Variants in KIAA0825 observed in about 807,000 individuals in gnomAD.
KIAA0825 encodes KIAA0825, also known as uncharacterized protein KIAA0825.
KIAA0825 carries 119 observed loss-of-function variants against 147.6 expected under a neutral mutation model. That is an observed-to-expected ratio of 0.81 (90% confidence interval 0.69 to 0.94). The LOEUF (loss-of-function observed/expected upper bound fraction) is 0.94. KIAA0825 is among the 40% of genes least tolerant of loss of function. The pLI is 0.00. For missense variants in KIAA0825, 1,381 were observed against 1,472.7 expected (o/e 0.94, Z 1.02); for synonymous variants, 470 against 518.1 (o/e 0.91, Z 1.26).
intron 20 of KIAA0825, among the ~76,000 whole-genome samples, chr5:94,160,660 G>C (rs1194867522): frequency 6.8e-6 from 1 of 147,748 alleles, no homozygotes; most frequent in Non-Finnish European, 1.5e-5. Flanking sequence ...AATATATACT[G>C]TATGTATGTA....
Position 94,152,905 on chromosome 5 carries a change from G to GATATATATT in KIAA0825, c.*1101_*1102insAATATATAT, listed in dbSNP as rs1766701320. The GATATATATT allele has an allele frequency of 1.9e-5, 1 of 51,974 alleles. No homozygotes were observed. Among genetic ancestry groups the GATATATATT allele is most frequent in the African/African-American group, 7.2e-5 (1 of 13,936 alleles). The allele number at this position is 51,974 out of a possible 1,614,324, so 3.2% of individuals were successfully genotyped here. On this transcript the variant is annotated 3_prime_UTR_variant, in exon 21 of 21. Transcript: ENST00000682413. The stretch of plus-strand genomic sequence containing the variant: ...ATATATATATATATATATATATATG[G>GATATATATT]TTTCTCCCAGACGTTCTTAGACTGC...
chr5:94,475,810 AAAAAG>A (rs151020241), intron 7 of KIAA0825, among the ~76,000 whole-genome samples: 300 of 152,226 alleles, frequency 2.0e-3, no homozygotes, highest in Middle Eastern at 0.01. Flanking sequence ...CTATGTCTCA[AAAAAG>A]AAAAGAAAAG....
intron 20 of KIAA0825, among the ~76,000 whole-genome samples, chr5:94,335,520 CTCTT>C (rs1215372707): frequency 6.6e-6 from 1 of 152,042 alleles, no homozygotes; most frequent in East Asian, 1.9e-4. Flanking sequence ...TAACTGATCT[CTCTT>C]TAATTCTGTT....
chr5:94,505,961 T>A (rs150600475), intron 5 of KIAA0825, among the ~76,000 whole-genome samples: 151 of 152,312 alleles, frequency 9.9e-4, no homozygotes, highest in African/African-American at 3.4e-3. Flanking sequence ...GTTTGAAAAA[T>A]ACGTTTAGCT....
At chr5:94,517,127 TAA>T (rs1767393747) in intron 5 of KIAA0825, among the ~76,000 whole-genome samples, 1 of 152,044 alleles carries the variant, frequency 6.6e-6, no homozygotes, top group Non-Finnish European at 1.5e-5. Flanking sequence ...GTGAAAGTGG[TAA>T]ATTATTTTTA....
At chr5:94,592,841 C>A (rs1188221604) in intron 1 of KIAA0825, 2 of 562,838 alleles carry the variant, frequency 3.6e-6, no homozygotes, top group Non-Finnish European at 3.4e-6. Context: ...TGTCCATTCT[C>A]CTGGACTGTG....
rs2149892304 is a variant in KIAA0825 at position 94,151,399 on chromosome 5, G to A, written c.*2608C>T. On this transcript the variant is annotated 3_prime_UTR_variant, in exon 21 of 21. Transcript: ENST00000682413. ...GCCACTGCAGTCCGCAGTCCGGCCT[G>A]GGCGACAGAGCGAGACTCCGTCTCA... 7.0e-6 allele frequency among the ~76,000 whole-genome samples: 1 copy of A among 141,904 alleles called. No homozygotes were observed. The highest frequency in any genetic ancestry group is 1.5e-5 in the Non-Finnish European group (1 of 66,038). The allele number at this position is 141,904 out of a possible 152,430, so 93.1% of individuals were successfully genotyped here.
At chr5:94,569,605 C>T in intron 2 of KIAA0825, 2 of 390,160 alleles carry the variant, frequency 5.1e-6, no homozygotes, top group Non-Finnish European at 9.5e-6. Context: ...TTGATCTCCC[C>T]ACTCCATCTA....
At chr5:94,252,422 T>C (rs538211248) in intron 20 of KIAA0825, among the ~76,000 whole-genome samples, 2 of 152,076 alleles carry the variant, frequency 1.3e-5, no homozygotes, top group East Asian at 3.9e-4. Flanking sequence ...TTCTCATAAA[T>C]ATATATACAT....
chr5:94,290,603 T>A (rs1422424635), intron 20 of KIAA0825, among the ~76,000 whole-genome samples: 1 of 152,194 alleles, frequency 6.6e-6, no homozygotes, highest in Non-Finnish European at 1.5e-5. Context: ...TCCATGTGCA[T>A]GTGTCTTTAT....
intron 14 of KIAA0825, among the ~76,000 whole-genome samples, chr5:94,424,644 G>T (rs2150750113): frequency 6.6e-6 from 1 of 152,006 alleles, no homozygotes; most frequent in East Asian, 1.9e-4. Flanking sequence ...CCCAAAATTA[G>T]CTGAAGGAAA....
chr5:94,532,860 A>G (rs374031636), intron 3 of KIAA0825, among the ~76,000 whole-genome samples: 3 of 151,434 alleles, frequency 2.0e-5, no homozygotes, highest in South Asian at 4.2e-4. Context: ...CTGCATTGGT[A>G]CCAGCAAAAC....
chr5:94,549,272 G>T (rs1426212330), intron 2 of KIAA0825, among the ~76,000 whole-genome samples: 1 of 152,084 alleles, frequency 6.6e-6, no homozygotes, highest in East Asian at 1.9e-4. Flanking sequence ...AATAAAACAA[G>T]AAATTAATAA....
intron 4 of KIAA0825, among the ~76,000 whole-genome samples, chr5:94,522,817 G>A (rs771409341): frequency 1.3e-5 from 2 of 151,660 alleles, no homozygotes; most frequent in Non-Finnish European, 3.0e-5. Context: ...TTGCCCTGCA[G>A]TGAATAGAGA....
At chr5:94,162,807 T>C (rs931996350) in intron 20 of KIAA0825, among the ~76,000 whole-genome samples, 1 of 152,236 alleles carries the variant, frequency 6.6e-6, no homozygotes, top group African/African-American at 2.4e-5. Context: ...TAGTGTTTTG[T>C]ACACTGTAAT....
At chr5:94,227,047 G>T (rs1431692345) in intron 20 of KIAA0825, among the ~76,000 whole-genome samples, 1 of 151,848 alleles carries the variant, frequency 6.6e-6, no homozygotes, top group African/African-American at 2.4e-5. Context: ...CCATTACTGG[G>T]TATATACCCA....
chr5:94,330,074 G>A (rs1781111878), intron 20 of KIAA0825, among the ~76,000 whole-genome samples: 1 of 152,154 alleles, frequency 6.6e-6, no homozygotes, highest in Non-Finnish European at 1.5e-5. Flanking sequence ...GACACCCTCA[G>A]TATCCTGATT....
intron 17 of KIAA0825, among the ~76,000 whole-genome samples, chr5:94,395,066 A>G (rs1248056276): frequency 6.6e-6 from 1 of 152,238 alleles, no homozygotes; most frequent in Admixed American, 6.5e-5. Flanking sequence ...TATCAGTTCC[A>G]AGCTTGATGC....
intron 5 of KIAA0825, among the ~76,000 whole-genome samples, chr5:94,517,088 C>T (rs1297500895): frequency 6.6e-6 from 1 of 152,036 alleles, no homozygotes; most frequent in Non-Finnish European, 1.5e-5. Context: ...GCAACAAGAG[C>T]AAAACTCCAA....
Sources: gnomAD v4.1 joint callset for allele counts (sites outside exome capture counted in the v4.1 genomes callset) on GRCh38, gnomAD v4.1.1 for gene constraint, MANE v1.5 for transcripts, NCBI Gene and HGNC (gene_info 2026-07-23, HGNC 2026-07-21) for gene names.